Variants in CTNNA3 observed in about 807,000 individuals in gnomAD.
CTNNA3 encodes catenin alpha 3.
CTNNA3 carries 76 observed loss-of-function variants against 95.7 expected under a neutral mutation model. That is an observed-to-expected ratio of 0.79 (90% CI 0.66 to 0.96). The LOEUF is 0.96. CTNNA3 is among the 40% of genes least tolerant of loss of function. CTNNA3 has a pLI of 0.00. For synonymous variants in CTNNA3, 431 were observed against 374.4 expected (o/e 1.15, Z -1.74); for missense variants, 1,191 against 1,089.8 (o/e 1.09, Z -1.31).
At chr10:67,457,180 C>T (rs1318361954) in intron 5 of CTNNA3, among the ~76,000 whole-genome samples, 1 of 152,160 alleles carries the variant, frequency 6.6e-6, no homozygotes, top group Non-Finnish European at 1.5e-5. Flanking sequence ...GTGGACATTT[C>T]CAAGGTCCTG....
At chr10:66,773,702 C>A (rs920113964) in intron 8 of CTNNA3, among the ~76,000 whole-genome samples, 6 of 152,170 alleles carry the variant, frequency 3.9e-5, no homozygotes, top group African/African-American at 1.4e-4. Flanking sequence ...AAAATTGAAA[C>A]AATGGAGATG....
intron 9 of CTNNA3, among the ~76,000 whole-genome samples, chr10:66,755,044 A>C (rs1839310289): frequency 6.6e-6 from 1 of 152,186 alleles, no homozygotes; most frequent in South Asian, 2.1e-4. Context: ...TAACACCCAA[A>C]AAAGCAGAAA....
intron 12 of CTNNA3, among the ~76,000 whole-genome samples, chr10:66,281,747 T>C (rs2091495675): frequency 6.6e-6 from 1 of 151,910 alleles, no homozygotes; most frequent in Non-Finnish European, 1.5e-5. Flanking sequence ...ATACCATCTC[T>C]TGCAATTCTG....
intron 7 of CTNNA3, among the ~76,000 whole-genome samples, chr10:66,859,514 C>A (rs1207799730): frequency 6.6e-6 from 1 of 151,864 alleles, no homozygotes; most frequent in Non-Finnish European, 1.5e-5. Context: ...TGTCAGGAAA[C>A]AACAGGTGCT....
rs547620794 is a variant in CTNNA3, at chr10:66,083,544, A to C, written c.1978-14055T>G. 3.3e-5 allele frequency among the ~76,000 whole-genome samples: 5 copies of C among 152,302 alleles called. No individual in the cohort carries two copies. In the East Asian group the frequency reaches 9.7e-4, roughly 29 times the overall value. Reference sequence around the variant, plus strand: ...TAACTATCTTTGATCAGCTAGCATAAGCCTGGACTATATATAAAAATATTA... The same window carrying C: ...TAACTATCTTTGATCAGCTAGCATACGCCTGGACTATATATAAAAATATTA... On this transcript the variant is annotated intron_variant, in intron 14 of 17. Coordinates refer to ENST00000433211, the MANE Select transcript of CTNNA3 (RefSeq NM_013266.4).
intron 7 of CTNNA3, among the ~76,000 whole-genome samples, chr10:67,118,633 T>C (rs1175194990): frequency 2.6e-5 from 4 of 151,970 alleles, no homozygotes; most frequent in Non-Finnish European, 5.9e-5. Context: ...ATTTCAGTTA[T>C]AATTCATTCA....
intron 9 of CTNNA3, among the ~76,000 whole-genome samples, chr10:66,697,078 T>A (rs1245893873): frequency 6.6e-6 from 1 of 152,038 alleles, no homozygotes; most frequent in African/African-American, 2.4e-5. Context: ...CAACTGCCCA[T>A]CCACAAAATA....
At chr10:67,431,543 T>C (rs928891747) in intron 5 of CTNNA3, among the ~76,000 whole-genome samples, 3 of 151,960 alleles carry the variant, frequency 2.0e-5, no homozygotes, top group Non-Finnish European at 2.9e-5. Context: ...TCTGGCCCCA[T>C]GTAGATACTT....
chr10:67,173,529 C>T (rs1053347041), intron 7 of CTNNA3, among the ~76,000 whole-genome samples: 2 of 152,118 alleles, frequency 1.3e-5, no homozygotes, highest in African/African-American at 2.4e-5. Context: ...ACTGTCCCAA[C>T]AAAACTTTTT....
In CTNNA3 at chr10:66,344,124, G is replaced by T. The variant is rs980531530; in HGVS notation, c.1732+35028C>A. The stretch of plus-strand genomic sequence containing the variant: ...TGCCTGTAATCCTAGCTACTCAGGA[G>T]GCTGAGGCAGGAGAATCACTTGAAC... On this transcript the variant is annotated intron_variant, in intron 12 of 17. Transcript: ENST00000433211. 2.7e-5 allele frequency among the ~76,000 whole-genome samples: 4 copies of T among 150,904 alleles called. No homozygotes were observed. The South Asian group carries it at 8.4e-4, about 32-fold the overall frequency.
intron 7 of CTNNA3, among the ~76,000 whole-genome samples, chr10:66,948,971 TTG>T (rs1848406220): frequency 6.6e-6 from 1 of 152,216 alleles, no homozygotes; most frequent in African/African-American, 2.4e-5. Context: ...TAAATTATAA[TTG>T]TGTTATTTTT....
chr10:66,610,208 T>C (rs552835203), intron 10 of CTNNA3, among the ~76,000 whole-genome samples: 2 of 151,944 alleles, frequency 1.3e-5, no homozygotes, highest in East Asian at 2.0e-4. Flanking sequence ...TGTGTATCTT[T>C]TGAATAGCCT....
intron 11 of CTNNA3, among the ~76,000 whole-genome samples, chr10:66,495,070 A>G (rs2456678): frequency 0.22 from 33,197 of 152,034 alleles, 6,741 homozygotes; most frequent in East Asian, 0.84. Flanking sequence ...CCCACCAATC[A>G]GTGCCAAATA....
chr10:67,667,604 A>G (rs867900648), intron 1 of CTNNA3, among the ~76,000 whole-genome samples: 38 of 152,294 alleles, frequency 2.5e-4, no homozygotes, highest in Middle Eastern at 3.4e-3. Context: ...AAAATAAAAA[A>G]TTATAGGTTA....
chr10:67,154,226 C>G (rs537459204), intron 7 of CTNNA3, among the ~76,000 whole-genome samples: 1 of 152,238 alleles, frequency 6.6e-6, no homozygotes, highest in African/African-American at 2.4e-5. Flanking sequence ...AACTGTCAAG[C>G]TGAAAATAAA....
At chr10:66,385,680 T>C (rs2092884365) in intron 11 of CTNNA3, among the ~76,000 whole-genome samples, 1 of 152,086 alleles carries the variant, frequency 6.6e-6, no homozygotes. Flanking sequence ...AAGATTGATG[T>C]GAAAATCCTT....
At chr10:66,644,310 A>C (rs11819427) in intron 9 of CTNNA3, among the ~76,000 whole-genome samples, 17,642 of 58,886 alleles carry the variant, frequency 0.3, 1,393 homozygotes, top group East Asian at 0.41. Context: ...CTCTCTCTAT[A>C]TATATATATA....
intron 5 of CTNNA3, among the ~76,000 whole-genome samples, chr10:67,516,479 CCTCAGAGTT>C (rs1185103247): frequency 6.6e-6 from 1 of 152,126 alleles, no homozygotes; most frequent in African/African-American, 2.4e-5. Flanking sequence ...TTTGTTGTAT[CCTCAGAGTT>C]CTCAAGTTCC....
intron 11 of CTNNA3, among the ~76,000 whole-genome samples, chr10:66,392,301 A>C (rs1419047410): frequency 6.6e-6 from 1 of 151,862 alleles, no homozygotes; most frequent in East Asian, 2.0e-4. Flanking sequence ...GTGGTGGTCC[A>C]CACCTGTAGT....
Sources: allele counts gnomAD v4.1 joint callset (sites outside exome capture counted in the v4.1 genomes callset), GRCh38; gene constraint gnomAD v4.1.1; transcripts MANE v1.5; gene names NCBI Gene and HGNC (gene_info 2026-07-23, HGNC 2026-07-21).